Variants in TXLNG observed in about 807,000 individuals in gnomAD.
The protein encoded by TXLNG is gamma-taxilin.
Under a neutral mutation model 38.8 loss-of-function variants are expected in TXLNG, and 5 were observed. The ratio of observed to expected loss-of-function variants is 0.13; its 90% CI spans 0.07 to 0.27. The LOEUF is 0.27. Ranked by LOEUF, TXLNG falls within the 10% of genes least tolerant of loss-of-function variation. The pLI, the probability that TXLNG is intolerant of heterozygous loss-of-function variation, is 1.00. For missense variants in TXLNG, 393 were observed against 398.2 expected (o/e 0.99, Z 0.11); for synonymous variants, 182 against 158.2 (o/e 1.15, Z -1.13).
chrX:16,800,258 A>G (rs28490474), intron 1 of TXLNG, among the ~76,000 whole-genome samples: 1 of 110,610 alleles, frequency 9.0e-6, no homozygotes, highest in Non-Finnish European at 1.9e-5. Flanking sequence ...ATTATTTTTA[A>G]TTTTTTATTT....
At chrX:16,841,363 G>C (rs1166443668) in intron 9 of TXLNG, 65 bp from the exon 10 acceptor site, 10 of 1,043,911 alleles carry the variant, frequency 9.6e-6, no homozygotes, top group Non-Finnish European at 1.3e-5. Flanking sequence ...GGCTGAGCTG[G>C]CTTAATTTTT....
At chrX:16,834,463 C>A in intron 7 of TXLNG, 106 bp downstream of exon 7, 1 of 685,831 alleles carries the variant, frequency 1.5e-6, no homozygotes, top group Non-Finnish European at 2.1e-6. Flanking sequence ...TTTGCTTTTT[C>A]CCAGCCAGAG....
At chrX:16,841,380 C>T (rs774551247) in intron 9 of TXLNG, 48 bp from the exon 10 acceptor site, 4 of 1,115,077 alleles carry the variant, frequency 3.6e-6, no homozygotes, top group Non-Finnish European at 4.8e-6. Context: ...TTTTTTGTAA[C>T]CTGATTGATA....
rs1410898449 is a variant in TXLNG at position 16,842,903 on chromosome X, C to T, written c.*1137C>T. On this transcript the variant is annotated 3_prime_UTR_variant, in exon 10 of 10. Transcript: ENST00000380122. Reference sequence around the variant, plus strand: ...CTCACCCCCTTCTTAGTTACCATCTCTTTTTTAAGAAGAAAAAAGAAAAGC... The same window carrying T: ...CTCACCCCCTTCTTAGTTACCATCTTTTTTTTAAGAAGAAAAAAGAAAAGC... 8.9e-6 allele frequency: 1 copy of T among 111,882 alleles called. No homozygotes were observed. The highest frequency in any genetic ancestry group is 9.5e-5 in the Admixed American group (1 of 10,518). The allele number at this position is 111,882 out of a possible 1,213,427, so 9.2% of individuals were successfully genotyped here. A position where few individuals can be genotyped will look rare whatever the true frequency, so the allele number is the denominator to read the frequency against.
intron 3 of TXLNG, among the ~76,000 whole-genome samples, chrX:16,821,049 A>C (rs754893070): frequency 9.1e-6 from 1 of 109,549 alleles, no homozygotes; most frequent in Non-Finnish European, 1.9e-5. Context: ...GATTACAGGC[A>C]TGAGTCACCG....
At chrX:16,822,742 A>G (rs959668434) in intron 3 of TXLNG, among the ~76,000 whole-genome samples, 2 of 112,543 alleles carry the variant, frequency 1.8e-5, no homozygotes, top group African/African-American at 3.2e-5. Context: ...ACAGACAGCC[A>G]TGAATTGGTT....
At chrX:16,824,947 C>T (rs771964164) in intron 3 of TXLNG, among the ~76,000 whole-genome samples, 1 of 108,002 alleles carries the variant, frequency 9.3e-6, no homozygotes, top group African/African-American at 3.4e-5. Flanking sequence ...AAAAGTGAGA[C>T]GACATTACAA....
chrX:16,814,336 C>T (rs920994230), intron 1 of TXLNG, among the ~76,000 whole-genome samples: 21 of 111,585 alleles, frequency 1.9e-4, no homozygotes, highest in African/African-American at 3.3e-4. Flanking sequence ...AGACTCAGCC[C>T]GGTGTGGTGG....
chrX:16,841,245 A>G (rs1019889959), intron 9 of TXLNG, among the ~76,000 whole-genome samples, 183 bp from the exon 10 acceptor site: 8 of 110,902 alleles, frequency 7.2e-5, no homozygotes, highest in Admixed American at 6.7e-4. Flanking sequence ...CTGAAACAAT[A>G]TGCTAAATCT....
intron 1 of TXLNG, among the ~76,000 whole-genome samples, chrX:16,811,466 C>A (rs370003985): frequency 9.0e-6 from 1 of 110,837 alleles, no homozygotes; most frequent in African/African-American, 3.3e-5. Context: ...AAGCAATTCT[C>A]TGGCCTCAGC....
chrX:16,815,246 G>A (rs1928689248), intron 1 of TXLNG, among the ~76,000 whole-genome samples: 1 of 111,398 alleles, frequency 9.0e-6, no homozygotes, highest in East Asian at 2.8e-4. Flanking sequence ...CGTGATCTAG[G>A]CTCACGGCAA....
At chrX:16,819,928 C>T (rs1928880396) in intron 2 of TXLNG, among the ~76,000 whole-genome samples, 1 of 111,385 alleles carries the variant, frequency 9.0e-6, no homozygotes. Flanking sequence ...ATAAATAGCT[C>T]GCAGTGTTAG....
chrX:16,834,910 C>T (rs926558328), intron 7 of TXLNG, among the ~76,000 whole-genome samples: 11 of 110,950 alleles, frequency 9.9e-5, no homozygotes, highest in East Asian at 2.8e-4. Flanking sequence ...TGTGGTGGCA[C>T]GCCTGTAGTC....
At chrX:16,840,384 C>T (rs1463358590) in intron 9 of TXLNG, 1 of 717,412 alleles carries the variant, frequency 1.4e-6, no homozygotes, top group Non-Finnish European at 1.6e-6. Flanking sequence ...TCTAGCTTGA[C>T]TTATTAGGCT....
intron 3 of TXLNG, among the ~76,000 whole-genome samples, chrX:16,826,230 G>A (rs899256070): frequency 2.7e-5 from 3 of 111,718 alleles, no homozygotes; most frequent in Admixed American, 9.5e-5. Flanking sequence ...GGGCAGCCGT[G>A]TACAGTTCGC....
At position 16,786,508 on chromosome X, in the gene TXLNG, G is replaced by A; in HGVS notation, c.21G>A (p.Glu7=). 9.0e-7 allele frequency: 1 copy of A among 1,113,158 alleles called. No homozygotes were observed. The highest frequency in any genetic ancestry group is 1.2e-6 in the Non-Finnish European group (1 of 849,651). The allele number at this position is 1,113,158 out of a possible 1,213,427, so 91.7% of individuals were successfully genotyped here. A position where few individuals can be genotyped will look rare whatever the true frequency, so the allele number is the denominator to read the frequency against. ...ACCTCATGGCGACGCGGGTAGAGGA[G>A]GCAGCGCGGGGAAGAGGCGGCGGCG... The part of the protein sequence containing the change: MATRVE[E]AARGRGGGAE... Residue 7 remains glutamate (E), a synonymous_variant, in exon 1 of 10, where the codon GAG becomes GAA. Coordinates refer to ENST00000380122, the MANE Select transcript of TXLNG (RefSeq NM_018360.3).
intron 1 of TXLNG, among the ~76,000 whole-genome samples, chrX:16,791,179 A>C (rs1927688751): frequency 8.9e-6 from 1 of 111,769 alleles, no homozygotes; most frequent in South Asian, 3.7e-4. Flanking sequence ...TAATTTTGTA[A>C]ATCCATCTTC....
At chrX:16,800,968 G>T (rs1172739921) in intron 1 of TXLNG, among the ~76,000 whole-genome samples, 1 of 111,297 alleles carries the variant, frequency 9.0e-6, no homozygotes, top group Non-Finnish European at 1.9e-5. Flanking sequence ...GTTCTAGCGA[G>T]ATCTGGTTTT....
At position 16,833,442 on chromosome X, in the gene TXLNG, G is replaced by C. The variant is rs188713618; in HGVS notation, c.984+700G>C. On this transcript the variant is annotated intron_variant, in intron 6 of 9. Transcript: ENST00000380122. ...ACTGTTGCATCCACAGCCCTGACAT[G>C]AGCACAGTGTGAAGATTCAGTTCCT... Among the ~76,000 whole-genome samples the C allele has an allele frequency of 1.8e-4, 20 of 111,915 alleles. 1 individual carries two copies. The East Asian group carries it at 5.6e-3, about 31-fold the overall frequency.
Sources: allele counts gnomAD v4.1 joint callset (sites outside exome capture counted in the v4.1 genomes callset), GRCh38; gene constraint gnomAD v4.1.1; transcripts MANE v1.5; gene names NCBI Gene and HGNC (gene_info 2026-07-23, HGNC 2026-07-21).